Variants in GLIS3 observed in about 807,000 individuals in gnomAD.
The protein encoded by GLIS3 is zinc finger protein GLIS3.
In GLIS3, 53 loss-of-function variants were observed where a neutral mutation model predicts 78.6. The observed-to-expected ratio is 0.67, with a 90% confidence interval of 0.54 to 0.85. GLIS3 has a LOEUF of 0.85. GLIS3 is among the 40% of genes least tolerant of loss of function. The pLI is 0.00. For synonymous variants in GLIS3, 684 were observed against 509.9 expected (o/e 1.34, Z -4.60); for missense variants, 1,703 against 1,231.1 (o/e 1.38, Z -5.74).
chr9:3,971,996 G>A (rs1397093235), intron 4 of GLIS3, among the ~76,000 whole-genome samples: 4 of 152,172 alleles, frequency 2.6e-5, no homozygotes, highest in Non-Finnish European at 5.9e-5. Flanking sequence ...TGTGGTCCAA[G>A]AAGGGGCTTT....
intron 6 of GLIS3, among the ~76,000 whole-genome samples, chr9:3,925,644 G>A (rs965348403): frequency 2.6e-5 from 4 of 152,048 alleles, no homozygotes; most frequent in African/African-American, 9.7e-5. Flanking sequence ...GTGATGAGAC[G>A]GAATCCTCTC....
the GLIS3 span, among the ~76,000 whole-genome samples, chr9:4,474,985 A>ATTTTTTTTTTTTTTTTTTT: frequency 6.8e-4 from 78 of 114,516 alleles, 7 homozygotes; most frequent in African/African-American, 2.3e-3. Flanking sequence ...GACTATGTTA[A>ATTTTTTTTTTTTTTTTTTT]TTTTTTTTTC....
At chr9:4,270,958 C>T (rs1826456858) in intron 2 of GLIS3, among the ~76,000 whole-genome samples, 2 of 150,850 alleles carry the variant, frequency 1.3e-5, no homozygotes, top group South Asian at 4.2e-4. Context: ...CCTTGAACAA[C>T]ACAGGTTTGA....
intron 4 of GLIS3, among the ~76,000 whole-genome samples, chr9:4,012,962 G>A (rs186165332): frequency 9.2e-5 from 14 of 151,794 alleles, no homozygotes; most frequent in African/African-American, 3.4e-4. Context: ...AAGTAGAGAC[G>A]GGGTTTTGCC....
chr9:4,381,165 G>C, the GLIS3 span, among the ~76,000 whole-genome samples: 1 of 152,078 alleles, frequency 6.6e-6, no homozygotes, highest in African/African-American at 2.4e-5. Flanking sequence ...ACATTTTTAA[G>C]AAAATGACAT....
chr9:4,132,202 G>A (rs1013393908), intron 2 of GLIS3, among the ~76,000 whole-genome samples: 3 of 152,106 alleles, frequency 2.0e-5, no homozygotes, highest in African/African-American at 7.2e-5. Context: ...ACTACATGAT[G>A]TATTTGAAAC....
At position 3,898,710 on chromosome 9, in the gene GLIS3, G is replaced by C; in HGVS notation, c.2109C>G (p.Pro703=). The C allele has an allele frequency of 6.2e-7, 1 of 1,614,132 alleles. No individual in the cohort carries two copies. Among genetic ancestry groups the C allele is most frequent in the Non-Finnish European group, 8.5e-7 (1 of 1,180,022 alleles). Residue 703 remains proline (P), a synonymous_variant, in exon 7 of 11, where the codon CCC becomes CCG. Transcript: ENST00000381971. ...AEGTVGRSPG[P]GPDLYSAPIF... Reference sequence around the variant, plus strand: ...CTTTACCTGAATAGAGGTCAGGCCCGGGTCCAGGGGAGCGTCCCACGGTCC... The same window carrying C: ...CTTTACCTGAATAGAGGTCAGGCCCCGGTCCAGGGGAGCGTCCCACGGTCC...
intron 6 of GLIS3, among the ~76,000 whole-genome samples, chr9:3,920,603 G>C (rs924298987): frequency 1.6e-5 from 2 of 126,328 alleles, no homozygotes; most frequent in African/African-American, 6.0e-5. Context: ...GAATATAAAA[G>C]AACAGGTTTT....
intron 8 of GLIS3, among the ~76,000 whole-genome samples, chr9:3,877,026 A>C (rs961930720): frequency 1.3e-5 from 2 of 152,090 alleles, no homozygotes; most frequent in African/African-American, 4.8e-5. Context: ...GGCTGCGTAC[A>C]AAAAGGAGAC....
intron 4 of GLIS3, among the ~76,000 whole-genome samples, chr9:3,965,570 T>C (rs1338971036): frequency 6.6e-6 from 1 of 152,152 alleles, no homozygotes; most frequent in Non-Finnish European, 1.5e-5. Flanking sequence ...TCATCAACAG[T>C]CTAAAGAAAA....
At chr9:4,466,689 C>A in the GLIS3 span, among the ~76,000 whole-genome samples, 12 of 152,252 alleles carry the variant, frequency 7.9e-5, no homozygotes, top group Admixed American at 5.2e-4. Flanking sequence ...TGAATAGGAA[C>A]AGCTCCAGAA....
At chr9:4,112,166 C>T (rs1831271634) in intron 4 of GLIS3, among the ~76,000 whole-genome samples, 1 of 152,276 alleles carries the variant, frequency 6.6e-6, no homozygotes, top group Non-Finnish European at 1.5e-5. Flanking sequence ...GCACAAGACT[C>T]CTCCCAAACT....
At chr9:4,303,152 A>G (rs1279721540), upstream of GLIS3, among the ~76,000 whole-genome samples, 2 of 152,146 alleles carry the variant, frequency 1.3e-5, no homozygotes, top group East Asian at 1.9e-4. Context: ...GCAAAGAACT[A>G]TGATCAGATT....
chr9:4,018,597 G>C (rs1588463213), intron 4 of GLIS3, among the ~76,000 whole-genome samples: 1 of 152,300 alleles, frequency 6.6e-6, no homozygotes, highest in East Asian at 1.9e-4. Context: ...GAAGGGAAAA[G>C]CTGCGGAGGG....
At chr9:4,242,108 G>A (rs1207790699) in intron 2 of GLIS3, among the ~76,000 whole-genome samples, 3 of 152,124 alleles carry the variant, frequency 2.0e-5, no homozygotes, top group Admixed American at 6.6e-5. Flanking sequence ...GTGTGCAGGG[G>A]TGCCCCAGGA....
intron 1 of GLIS3, among the ~76,000 whole-genome samples, chr9:4,291,632 A>C (rs980033737): frequency 6.6e-6 from 1 of 152,108 alleles, no homozygotes; most frequent in African/African-American, 2.4e-5. Flanking sequence ...AGTAGGAAAA[A>C]AAGAATGACC....
At chr9:4,432,574 C>T in the GLIS3 span, among the ~76,000 whole-genome samples, 11 of 151,444 alleles carry the variant, frequency 7.3e-5, no homozygotes, top group Non-Finnish European at 1.0e-4. Context: ...ATACACAAGC[C>T]TTGTGTTCCA....
chr9:4,256,055 A>G (rs888254457), intron 2 of GLIS3, among the ~76,000 whole-genome samples: 4 of 152,148 alleles, frequency 2.6e-5, no homozygotes, highest in Non-Finnish European at 4.4e-5. Context: ...TTAAAAAAGG[A>G]TAACAAACTT....
intron 4 of GLIS3, among the ~76,000 whole-genome samples, chr9:4,308,160 G>C (rs1043742751): frequency 3.9e-5 from 6 of 152,066 alleles, no homozygotes; most frequent in East Asian, 1.9e-4. Context: ...TTGGTGTCAC[G>C]ACCTATCTGA....
Sources: allele counts gnomAD v4.1 joint callset (sites outside exome capture counted in the v4.1 genomes callset), GRCh38; gene constraint gnomAD v4.1.1; transcripts MANE v1.5; gene names NCBI Gene and HGNC (gene_info 2026-07-23, HGNC 2026-07-21).